The following CELF1 variants were observed in gnomAD, a reference collection of about 807,000 sequenced individuals.
CELF1 encodes the protein CUGBP Elav-like family member 1, also known as 50 kDa nuclear polyadenylated RNA-binding protein.
A neutral mutation model predicts 61.8 loss-of-function variants in CELF1; 10 were observed. That is an observed-to-expected ratio of 0.16 (90% CI 0.10 to 0.27). The LOEUF (loss-of-function observed/expected upper bound fraction) is 0.27. Among genes scored for constraint, CELF1 ranks in the 10% least tolerant of loss-of-function variants. The pLI, the probability that CELF1 is intolerant of heterozygous loss-of-function variation, is 1.00. For missense variants in CELF1, 380 were observed against 639.1 expected (o/e 0.59, Z 4.37); for synonymous variants, 236 against 225.1 (o/e 1.05, Z -0.43).
intron 1 of CELF1, among the ~76,000 whole-genome samples, chr11:47,542,540 C>T (rs1341252406): frequency 2.7e-5 from 4 of 149,566 alleles, no homozygotes; most frequent in African/African-American, 9.9e-5. Context: ...CCCTGTTGCC[C>T]AGGCTGGAGT....
intron 13 of CELF1, among the ~76,000 whole-genome samples, chr11:47,474,134 T>C (rs1429290196): frequency 5.3e-5 from 8 of 152,176 alleles, no homozygotes; most frequent in Admixed American, 2.0e-4. Context: ...CCTGATCTCA[T>C]GATCTGCCTG....
intron 2 of CELF1, among the ~76,000 whole-genome samples, chr11:47,499,965 G>C (rs1021123778): frequency 3.3e-5 from 5 of 152,184 alleles, no homozygotes; most frequent in Admixed American, 6.5e-5. Context: ...ACTACCTGAA[G>C]CAAGAAAAGG....
In CELF1 at chr11:47,535,679, CA is replaced by C. The variant is rs111271894; in HGVS notation, c.-154+17312del. On this transcript the variant is annotated intron_variant, in intron 1 of 14. Transcript: ENST00000687097. ...GGGCAACAAGAGCGAAACCCCATCT[CA>C]AAAAAAAAAAAAAAATAAATCATGT... 5.2e-3 allele frequency among the ~76,000 whole-genome samples: 489 copies of C among 94,888 alleles called. 2 individuals are homozygous for C. The highest frequency in any genetic ancestry group is 4.7e-3 in the African/African-American group (130 of 27,400). The allele number at this position is 94,888 out of a possible 152,430, so 62.3% of individuals were successfully genotyped here.
At chr11:47,506,141 T>A in intron 1 of CELF1, among the ~76,000 whole-genome samples, 1 of 149,902 alleles carries the variant, frequency 6.7e-6, no homozygotes. Context: ...AAAAAAAATT[T>A]GCAGGCTGGG....
intron 1 of CELF1, among the ~76,000 whole-genome samples, chr11:47,535,676 T>C: frequency 7.4e-6 from 1 of 135,490 alleles, no homozygotes; most frequent in East Asian, 2.2e-4. Flanking sequence ...CGAAACCCCA[T>C]CTCAAAAAAA....
At chr11:47,497,950 G>A (rs999570823) in intron 3 of CELF1, among the ~76,000 whole-genome samples, 1 of 152,152 alleles carries the variant, frequency 6.6e-6, no homozygotes, top group East Asian at 1.9e-4. Flanking sequence ...GACAATTTGA[G>A]CAACAGCCTT....
intron 2 of CELF1, among the ~76,000 whole-genome samples, chr11:47,562,136 G>T (rs1280100508): frequency 6.6e-6 from 1 of 150,792 alleles, no homozygotes; most frequent in African/African-American, 2.4e-5. Context: ...TGAGGCAGGA[G>T]AATTGCTTGA....
intron 1 of CELF1, among the ~76,000 whole-genome samples, chr11:47,543,197 G>C (rs528444557): frequency 5.6e-4 from 85 of 152,150 alleles, no homozygotes; most frequent in African/African-American, 1.9e-3. Flanking sequence ...AGAGACCAGG[G>C]GGTCAAGACC....
chr11:47,531,365 A>G (rs1350412080), intron 1 of CELF1, among the ~76,000 whole-genome samples: 2 of 152,064 alleles, frequency 1.3e-5, no homozygotes, highest in Non-Finnish European at 2.9e-5. Flanking sequence ...GTTACAAGAT[A>G]GAGACCATCC....
intron 12 of CELF1, among the ~76,000 whole-genome samples, chr11:47,476,457 G>A (rs904912897): frequency 1.3e-5 from 2 of 151,884 alleles, no homozygotes; most frequent in African/African-American, 2.4e-5. Context: ...ACGGACTCTC[G>A]CTCTGTCACC....
chr11:47,533,586 G>A (rs557765194), intron 1 of CELF1, among the ~76,000 whole-genome samples: 17 of 152,170 alleles, frequency 1.1e-4, no homozygotes, highest in South Asian at 4.2e-4. Flanking sequence ...TCGCACCACC[G>A]CACTCCAGCC....
intron 1 of CELF1, among the ~76,000 whole-genome samples, chr11:47,535,858 G>A (rs1234983692): frequency 1.8e-4 from 27 of 151,120 alleles, no homozygotes. Context: ...CACCTCCTGG[G>A]TTCAAGCGAG....
At chr11:47,517,943 C>T (rs946268405) in intron 1 of CELF1, among the ~76,000 whole-genome samples, 1 of 152,200 alleles carries the variant, frequency 6.6e-6, no homozygotes, top group African/African-American at 2.4e-5. Context: ...GCCCGGCCTA[C>T]TGAAAATTTT....
At chr11:47,506,560 C>T (rs1250024972) in intron 1 of CELF1, among the ~76,000 whole-genome samples, 2 of 152,236 alleles carry the variant, frequency 1.3e-5, no homozygotes, top group African/African-American at 4.8e-5. Flanking sequence ...GAGTATTCCT[C>T]CCGGCTCCCT....
chr11:47,475,957 T>A (rs559914584), intron 12 of CELF1, among the ~76,000 whole-genome samples: 1 of 152,274 alleles, frequency 6.6e-6, no homozygotes, highest in Admixed American at 6.5e-5. Context: ...TGTCATCTAC[T>A]GTACTATGCA....
chr11:47,531,370 C>T (rs745570673), intron 1 of CELF1, among the ~76,000 whole-genome samples: 6 of 152,230 alleles, frequency 3.9e-5, no homozygotes, highest in African/African-American at 1.4e-4. Context: ...AAGATAGAGA[C>T]CATCCTGGCT....
intron 1 of CELF1, among the ~76,000 whole-genome samples, chr11:47,507,728 C>T (rs895958221): frequency 6.6e-6 from 1 of 152,092 alleles, no homozygotes; most frequent in Non-Finnish European, 1.5e-5. Flanking sequence ...AAAGACAAAG[C>T]CAGACCCAGA....
At chr11:47,484,588 G>A in intron 6 of CELF1, 65 bp from the exon 7 acceptor site, 2 of 1,459,124 alleles carry the variant, frequency 1.4e-6, no homozygotes, top group South Asian at 1.2e-5. Context: ...GCACAGATTT[G>A]GGAGCCAGAC....
chr11:47,509,897 CAA>C (rs34105209), intron 1 of CELF1, among the ~76,000 whole-genome samples: 4 of 136,412 alleles, frequency 2.9e-5, no homozygotes, highest in Admixed American at 7.4e-5. Flanking sequence ...TGTGGTGTCT[CAA>C]AAAAAAAAAA....
Sources: allele counts gnomAD v4.1 joint callset (sites outside exome capture counted in the v4.1 genomes callset), GRCh38; gene constraint gnomAD v4.1.1; transcripts MANE v1.5; gene names NCBI Gene and HGNC (gene_info 2026-07-23, HGNC 2026-07-21).